Variants in CDH13 observed in about 807,000 individuals in gnomAD.
CDH13 encodes cadherin 13, also known as cadherin-13.
A neutral mutation model predicts 63.8 loss-of-function variants in CDH13; 24 were observed. The ratio of observed to expected loss-of-function variants is 0.38; its 90% CI spans 0.27 to 0.53. The LOEUF (loss-of-function observed/expected upper bound fraction) is 0.53, where lower values mean the gene tolerates loss of function less well. CDH13 is among the 20% of genes least tolerant of loss of function. CDH13 has a pLI of 0.85. For synonymous variants in CDH13, 503 were observed against 355.3 expected, an observed-to-expected ratio of 1.42 and a Z score of -4.67; for missense variants, 1,049 against 903.1, an observed-to-expected ratio of 1.16 and a Z score of -2.07.
chr16:82,851,949 G>T (rs1349244806), intron 1 of CDH13, among the ~76,000 whole-genome samples: 1 of 152,136 alleles, frequency 6.6e-6, no homozygotes, highest in Non-Finnish European at 1.5e-5. Context: ...ATGTTTTATG[G>T]CAGGGATAAA....
intron 1 of CDH13, among the ~76,000 whole-genome samples, chr16:82,849,738 C>T (rs550097401): frequency 8.5e-5 from 13 of 152,328 alleles, no homozygotes; most frequent in Non-Finnish European, 2.9e-5. Flanking sequence ...ACTAATGCAA[C>T]TGATGACTTT....
rs114537630 is a variant in CDH13, at chr16:83,409,373, A to G, written c.781+64367A>G. Reference sequence around the variant, plus strand: ...GAGCTGCCTGCTGTGCCTTTGGGGAAAGCCCTCATGCAGCGACACGGGGCA... The same window carrying G: ...GAGCTGCCTGCTGTGCCTTTGGGGAGAGCCCTCATGCAGCGACACGGGGCA... On this transcript the variant is annotated intron_variant, in intron 6 of 13. Coordinates refer to ENST00000567109, the MANE Select transcript of CDH13 (RefSeq NM_001257.5). 5.0e-3 allele frequency among the ~76,000 whole-genome samples: 768 copies of G among 152,306 alleles called. 10 individuals are homozygous for G. Among genetic ancestry groups the G allele is most frequent in the African/African-American group, 0.017 (717 of 41,578 alleles).
chr16:83,770,594 A>G (rs1018741643), intron 11 of CDH13, among the ~76,000 whole-genome samples: 2 of 152,218 alleles, frequency 1.3e-5, no homozygotes, highest in Admixed American at 6.5e-5. Flanking sequence ...AGCAGCCCCA[A>G]AGGCTGCTGG....
chr16:82,923,724 C>T (rs970874608), intron 2 of CDH13, among the ~76,000 whole-genome samples: 4 of 152,164 alleles, frequency 2.6e-5, no homozygotes, highest in Admixed American at 1.3e-4. Context: ...TGCAGTGAAG[C>T]GGCTCTTAAA....
At chr16:83,358,358 C>T (rs997391037) in intron 6 of CDH13, among the ~76,000 whole-genome samples, 1 of 152,126 alleles carries the variant, frequency 6.6e-6, no homozygotes. Context: ...ACTCAAGCAG[C>T]CACCTTGCTC....
intron 1 of CDH13, among the ~76,000 whole-genome samples, chr16:82,627,598 G>T (rs1306932240): frequency 6.6e-6 from 1 of 152,106 alleles, no homozygotes; most frequent in African/African-American, 2.4e-5. Flanking sequence ...TGCGGGATGC[G>T]GGGCTGGAGA....
intron 2 of CDH13, among the ~76,000 whole-genome samples, chr16:82,878,890 G>A (rs895217104): frequency 1.3e-5 from 2 of 152,044 alleles, no homozygotes; most frequent in African/African-American, 4.8e-5. Context: ...ATTTTCAAAG[G>A]CAGCAGGCAG....
At chr16:82,984,013 C>T (rs532743222) in intron 2 of CDH13, among the ~76,000 whole-genome samples, 16 of 152,182 alleles carry the variant, frequency 1.1e-4, no homozygotes, top group Non-Finnish European at 2.1e-4. Flanking sequence ...GGAAGCTGGA[C>T]TGGGAAGCCC....
At chr16:83,000,787 G>C (rs1429112691) in intron 2 of CDH13, among the ~76,000 whole-genome samples, 1 of 151,870 alleles carries the variant, frequency 6.6e-6, no homozygotes, top group Non-Finnish European at 1.5e-5. Context: ...CACCGTGTTA[G>C]CCAAGATGAT....
intron 10 of CDH13, among the ~76,000 whole-genome samples, chr16:83,690,392 T>C (rs2150890066): frequency 6.6e-6 from 1 of 151,884 alleles, no homozygotes; most frequent in South Asian, 2.1e-4. Flanking sequence ...TTGGAGGAAG[T>C]GGAGGTGAGC....
chr16:82,813,506 G>T (rs2037552713), intron 1 of CDH13, among the ~76,000 whole-genome samples: 1 of 152,148 alleles, frequency 6.6e-6, no homozygotes, highest in African/African-American at 2.4e-5. Flanking sequence ...CCTTTTAAGT[G>T]CAGAGAGTGC....
intron 5 of CDH13, among the ~76,000 whole-genome samples, chr16:83,279,642 C>G (rs967155432): frequency 6.6e-6 from 1 of 152,154 alleles, no homozygotes; most frequent in Non-Finnish European, 1.5e-5. Context: ...AGACAATCGG[C>G]TATACATCTG....
At chr16:82,804,399 C>T (rs890526066) in intron 1 of CDH13, among the ~76,000 whole-genome samples, 1 of 151,970 alleles carries the variant, frequency 6.6e-6, no homozygotes, top group Non-Finnish European at 1.5e-5. Flanking sequence ...GATGGTATCA[C>T]AGGTATATGC....
intron 10 of CDH13, among the ~76,000 whole-genome samples, chr16:83,715,854 C>A (rs1225847020): frequency 6.6e-6 from 1 of 152,016 alleles, no homozygotes; most frequent in Non-Finnish European, 1.5e-5. Context: ...GGTGTTTTTA[C>A]CAAAGTGAAG....
Position 83,176,876 on chromosome 16 carries a change from T to G in CDH13, c.484-40469T>G, listed in dbSNP as rs930830362. Among the ~76,000 whole-genome samples, 2 of 152,128 alleles carry G rather than the reference T, an allele frequency of 1.3e-5. 1 individual carries two copies. The highest frequency in any genetic ancestry group is 1.3e-4 in the Admixed American group (2 of 15,280). On this transcript the variant is annotated intron_variant, in intron 4 of 13. Coordinates refer to ENST00000567109, the MANE Select transcript of CDH13 (RefSeq NM_001257.5). The stretch of plus-strand genomic sequence containing the variant: ...AAGTCTGAGCGAGCCCTTAGTTACC[T>G]TCCTCTCCCATCAGCCTGAGCCAGA...
At chr16:83,265,324 T>A (rs1907479914) in intron 5 of CDH13, among the ~76,000 whole-genome samples, 1 of 152,206 alleles carries the variant, frequency 6.6e-6, no homozygotes, top group African/African-American at 2.4e-5. Flanking sequence ...AACCTCTGGA[T>A]TATGTGTGTA....
At chr16:83,541,534 T>C (rs533521655) in intron 7 of CDH13, among the ~76,000 whole-genome samples, 1 of 152,294 alleles carries the variant, frequency 6.6e-6, no homozygotes, top group South Asian at 2.1e-4. Context: ...GGCAGGGCCA[T>C]GAAACAGACA....
intron 3 of CDH13, among the ~76,000 whole-genome samples, chr16:83,053,072 A>T (rs763919291): frequency 6.6e-6 from 1 of 152,130 alleles, no homozygotes; most frequent in Non-Finnish European, 1.5e-5. Context: ...AAATAGTACG[A>T]ATTTCCAGGA....
intron 5 of CDH13, among the ~76,000 whole-genome samples, chr16:83,222,297 G>A (rs2039722033): frequency 6.6e-6 from 1 of 152,156 alleles, no homozygotes; most frequent in Non-Finnish European, 1.5e-5. Context: ...AAATACAACT[G>A]GCATTCAGAG....
Sources: gnomAD v4.1 joint callset for allele counts (sites outside exome capture counted in the v4.1 genomes callset) on GRCh38, gnomAD v4.1.1 for gene constraint, MANE v1.5 for transcripts, NCBI Gene and HGNC (gene_info 2026-07-23, HGNC 2026-07-21) for gene names.